The following INA variants were observed in gnomAD, a reference collection of about 807,000 sequenced individuals.
The protein encoded by INA is alpha-internexin.
INA carries 35 observed loss-of-function variants against 40.1 expected under a neutral mutation model. That is an observed-to-expected ratio of 0.87 (90% CI 0.67 to 1.16). The LOEUF is 1.16. Ranked by LOEUF, INA falls within the 50% of genes most tolerant of loss-of-function variation. The pLI, the probability that INA is intolerant of heterozygous loss-of-function variation, is 0.00. For synonymous variants in INA, 290 were observed against 316.9 expected (o/e 0.92, Z 0.90); for missense variants, 594 against 686.7 (o/e 0.87, Z 1.51).
rs1367652147 is a variant in INA, at chr10:103,284,531, G to A, written c.1066-2504G>A. Among the ~76,000 whole-genome samples the A allele has an allele frequency of 5.9e-5, 9 of 152,158 alleles. No individual in the cohort carries two copies. In the South Asian group the frequency reaches 1.9e-3, roughly 32 times the overall value. ...AGCACTTTGGGAGGCTGAGGCGGGC[G>A]GATCACGAGGTTAGGAGTTCAAGAC... is the stretch of plus-strand genomic sequence containing the variant. On this transcript the variant is annotated intron_variant, in intron 1 of 2. Coordinates refer to ENST00000369849, the MANE Select transcript of INA (RefSeq NM_032727.4).
rs1001620804 is a variant in INA at position 103,277,923 on chromosome 10, C to T, written c.712C>T (p.Leu238=). The change falls in exon 1 of 3, where the codon CTG becomes TTG. Residue 238 remains leucine, a synonymous_variant. Transcript: ENST00000369849. This position sits in a 1 kb window ranked among gnomAD's most constrained non-coding sequence, Gnocchi z 5.6. ...GGTGCACGACGAGGAGGTAGCCGAGCTGCTGGCCACGCTGCAGGCGTCGTC... is the reference window on the plus strand; with the variant it reads ...GGTGCACGACGAGGAGGTAGCCGAGTTGCTGGCCACGCTGCAGGCGTCGTC... ...RQVHDEEVAE[L]LATLQASSQA... is the part of the protein sequence containing the mutation. The T allele has an allele frequency of 2.6e-6, 4 of 1,552,288 alleles. No homozygotes were observed. Among genetic ancestry groups the T allele is most frequent in the South Asian group, 1.2e-5 (1 of 84,164 alleles).
rs1374312090 is a variant in INA, at chr10:103,279,900, T to G, written c.1065+1624T>G. On this transcript the variant is annotated intron_variant, in intron 1 of 2. Coordinates refer to ENST00000369849, the MANE Select transcript of INA (RefSeq NM_032727.4). ...ACCCTAACCCCTGGATGGCCTGAAT[T>G]AATCACATTTGGCTAATTGAGACTT... The G allele has an allele frequency of 4.7e-6, 6 of 1,278,266 alleles. No homozygotes were observed. In the African/African-American group the frequency reaches 9.2e-5, roughly 20 times the overall value. 79.2% of individuals were successfully genotyped at this position (1,278,266 alleles called of 1,614,324 possible). A position where few individuals can be genotyped will look rare whatever the true frequency, so the allele number is the denominator to read the frequency against.
In INA at chr10:103,277,552, A is replaced by G. The variant is rs768502049; in HGVS notation, c.341A>G (p.Gln114Arg). The G allele has an allele frequency of 3.8e-6, 6 of 1,581,964 alleles. No individual in the cohort carries two copies. Among genetic ancestry groups the G allele is most frequent in the Non-Finnish European group, 3.4e-6 (4 of 1,168,814 alleles). ...GCCGTGTTCATCGAGAAGGTGCATC[A>G]GCTGGAGACGCAGAACCGCGCGTTG... Reference protein sequence around the residue: ...RFAVFIEKVHQLETQNRALEA... With the variant: ...RFAVFIEKVHRLETQNRALEA... The change falls in exon 1 of 3, where the codon CAG becomes CGG. Residue 114 changes from glutamine to arginine, a missense_variant. Physicochemically the swap from Gln to Arg is conservative, Grantham distance 43. Around this residue, in one of 2 missense-constraint regions of INA, gnomAD observed 215 missense variants for 190.6 expected, o/e 1.13. Transcript: ENST00000369849. The surrounding 1 kb of genome is among the most constrained non-coding windows in gnomAD (Gnocchi z 5.6).
intron 1 of INA, among the ~76,000 whole-genome samples, chr10:103,282,099 A>C (rs950080895): frequency 6.6e-5 from 10 of 152,250 alleles, no homozygotes; most frequent in Non-Finnish European, 1.3e-4. Flanking sequence ...ATTGAAGAGC[A>C]ATCAATGGTC....
chr10:103,278,224 G>A lies in INA; in HGVS notation c.1013G>A (p.Arg338Lys), dbSNP rs748521249. 4 of 1,594,168 alleles carry A rather than the reference G, an allele frequency of 2.5e-6. No homozygotes were observed. In the South Asian group the frequency reaches 3.4e-5, roughly 13 times the overall value. The change falls in exon 1 of 3, where the codon AGG (arginine) becomes AAG (lysine). Residue 338 changes from arginine (R) to lysine (K), a missense_variant. Physicochemically the swap from Arg to Lys is conservative, Grantham distance 26. Transcript: ENST00000369849. This position sits in a 1 kb window ranked among gnomAD's most constrained non-coding sequence, Gnocchi z 4.9. ...GLRGANESLE[R>K]QILELEERHS... ...CGCGGGGCCAACGAGTCCTTGGAGA[G>A]GCAGATCCTGGAGCTGGAGGAGCGG...
rs1029306229 is a variant in INA at position 103,289,423 on chromosome 10, C to T, written c.*754C>T. ...GATGAATTTTAAGGGTTTCCCCCAACATATAAAATAATGCAAAGAATCCCT... is the reference window on the plus strand; with the variant it reads ...GATGAATTTTAAGGGTTTCCCCCAATATATAAAATAATGCAAAGAATCCCT... On this transcript the variant is annotated 3_prime_UTR_variant, in exon 3 of 3. Transcript: ENST00000369849. 7.2e-5 allele frequency: 11 copies of T among 152,646 alleles called. No individual in the cohort carries two copies. Among genetic ancestry groups the T allele is most frequent in the African/African-American group, 2.7e-4 (11 of 41,462 alleles). The allele number at this position is 152,646 out of a possible 1,614,324, so 9.5% of individuals were successfully genotyped here.
Position 103,278,903 on chromosome 10 carries a change from GCACACACACACACA to G in INA, c.1065+645_1065+658del, listed in dbSNP as rs369168949. ...ACACACACGATTCCCTTGTCCACCAGCACACACACACACACACACACACACACACACGATTCCCT... is the reference window on the plus strand; with the variant it reads ...ACACACACGATTCCCTTGTCCACCAGCACACACACACACACACGATTCCCT... On this transcript the variant is annotated intron_variant, in intron 1 of 2. Transcript: ENST00000369849. The surrounding 1 kb of genome is among the most constrained non-coding windows in gnomAD (Gnocchi z 4.9). Among the ~76,000 whole-genome samples, 1 of 136,792 alleles carries G rather than the reference GCACACACACACACA, an allele frequency of 7.3e-6. No individual in the cohort carries two copies. The highest frequency in any genetic ancestry group is 1.6e-5 in the Non-Finnish European group (1 of 63,976). 89.7% of individuals were successfully genotyped at this position (136,792 alleles called of 152,430 possible). A position where few individuals can be genotyped will look rare whatever the true frequency, so the allele number is the denominator to read the frequency against.
rs780556680 is a variant in INA, at chr10:103,289,623, C to T, written c.*954C>T. The T allele has an allele frequency of 2.6e-5, 4 of 152,506 alleles. No homozygotes were observed. The highest frequency in any genetic ancestry group is 6.5e-5 in the Admixed American group (1 of 15,274). 9.4% of individuals were successfully genotyped at this position (152,506 alleles called of 1,614,324 possible). A position where few individuals can be genotyped will look rare whatever the true frequency, so the allele number is the denominator to read the frequency against. On this transcript the variant is annotated 3_prime_UTR_variant, in exon 3 of 3. Coordinates refer to ENST00000369849, the MANE Select transcript of INA (RefSeq NM_032727.4). ...TGAGTGTTTCTATGAGTGGAAAAAG[C>T]CAAGGTGTCATTTATGTGTCAGTTC... is the stretch of plus-strand genomic sequence containing the variant.
intron 2 of INA, among the ~76,000 whole-genome samples, 198 bp from the exon 3 acceptor site, chr10:103,288,162 G>C (rs968870793): frequency 6.6e-6 from 1 of 151,948 alleles, no homozygotes; most frequent in Non-Finnish European, 1.5e-5. Context: ...GGTGCTGAAG[G>C]GGGGTGTGTG....
At position 103,283,372 on chromosome 10, in the gene INA, A is replaced by T. The variant is rs11191631; in HGVS notation, c.1066-3663A>T. Among the ~76,000 whole-genome samples, 630 of 152,334 alleles carry T rather than the reference A, an allele frequency of 4.1e-3. 27 individuals are homozygous for T. The East Asian group carries it at 0.089, about 22-fold the overall frequency. ...CTATGTCAGTAGCAGAATTGATTAT[A>T]ACCTCAAATAGGAACTATCAGGTAA... is the stretch of plus-strand genomic sequence containing the variant. On this transcript the variant is annotated intron_variant, in intron 1 of 2. Coordinates refer to ENST00000369849, the MANE Select transcript of INA (RefSeq NM_032727.4).
intron 2 of INA, 52 bp downstream of exon 2, chr10:103,287,211 G>A: frequency 6.3e-7 from 1 of 1,576,490 alleles, no homozygotes; most frequent in Non-Finnish European, 8.6e-7. Context: ...TAGGGGCAAT[G>A]CTGCCCAAAT....
At chr10:103,284,913 A>G (rs2093081880) in intron 1 of INA, among the ~76,000 whole-genome samples, 1 of 152,142 alleles carries the variant, frequency 6.6e-6, no homozygotes, top group South Asian at 2.1e-4. Flanking sequence ...GGGTTGGTCG[A>G]GGATGGATAC....
At chr10:103,284,167 G>A (rs2093079589) in intron 1 of INA, among the ~76,000 whole-genome samples, 1 of 151,490 alleles carries the variant, frequency 6.6e-6, no homozygotes, top group Non-Finnish European at 1.5e-5. Flanking sequence ...GAGCACAGTG[G>A]CGCCATCATA....
At chr10:103,279,336 AG>A (rs1319165718) in intron 1 of INA, among the ~76,000 whole-genome samples, 1 of 151,994 alleles carries the variant, frequency 6.6e-6, no homozygotes, top group Non-Finnish European at 1.5e-5. Context: ...TCTTTGTTCT[AG>A]TGTATGTATT....
Position 103,288,933 on chromosome 10 carries a change from T to C in INA, c.*264T>C. 3.8e-6 allele frequency: 1 copy of C among 260,010 alleles called. No individual in the cohort carries two copies. Among genetic ancestry groups the C allele is most frequent in the African/African-American group, 2.2e-5 (1 of 44,776 alleles). 16.1% of individuals were successfully genotyped at this position (260,010 alleles called of 1,614,324 possible). On this transcript the variant is annotated 3_prime_UTR_variant, in exon 3 of 3. Coordinates refer to ENST00000369849, the MANE Select transcript of INA (RefSeq NM_032727.4). ...TCAGCTCACGCTTCACAGTGATCGA[T>C]GATTCAGGTGCAGAGGAAGTACAAA...
At chr10:103,279,531 C>T (rs2093068333) in intron 1 of INA, among the ~76,000 whole-genome samples, 1 of 152,038 alleles carries the variant, frequency 6.6e-6, no homozygotes, top group East Asian at 1.9e-4. Flanking sequence ...TAGTGTGGTT[C>T]GGTTTCAAGG....
Position 103,280,089 on chromosome 10 carries a change from C to T in INA, c.1065+1813C>T. On this transcript the variant is annotated intron_variant, in intron 1 of 2. Transcript: ENST00000369849. ...GCCCATACATTCTAAGAAGTAGTGA[C>T]AGTTTTGCCTGGCTTGTTTGCTGTA... 4.1e-6 allele frequency: 5 copies of T among 1,218,190 alleles called. No homozygotes were observed. The South Asian group carries it at 7.2e-5, about 18-fold the overall frequency. The allele number at this position is 1,218,190 out of a possible 1,614,324, so 75.5% of individuals were successfully genotyped here. A position where few individuals can be genotyped will look rare whatever the true frequency, so the allele number is the denominator to read the frequency against.
intron 1 of INA, chr10:103,280,133 A>T: frequency 1.0e-6 from 1 of 985,444 alleles, no homozygotes; most frequent in Non-Finnish European, 1.2e-6. Flanking sequence ...TCATCATTAG[A>T]CAATGGTAGC....
Position 103,280,425 on chromosome 10 carries a change from G to A in INA, c.1065+2149G>A, listed in dbSNP as rs953404507. 5.1e-6 allele frequency: 5 copies of A among 985,320 alleles called. No individual in the cohort carries two copies. In the African/African-American group the frequency reaches 8.7e-5, roughly 17 times the overall value. 61.0% of individuals were successfully genotyped at this position (985,320 alleles called of 1,614,324 possible). A position where few individuals can be genotyped will look rare whatever the true frequency, so the allele number is the denominator to read the frequency against. ...CAATCTTAGCAGTGCTGACCAAGGT[G>A]AAAAGCCTCCCTTTCTACAGTGAGA... On this transcript the variant is annotated intron_variant, in intron 1 of 2. Coordinates refer to ENST00000369849, the MANE Select transcript of INA (RefSeq NM_032727.4).
Sources: allele counts gnomAD v4.1 joint callset (sites outside exome capture counted in the v4.1 genomes callset), GRCh38; gene constraint gnomAD v4.1.1; regional missense constraint gnomAD v4.1.1; non-coding constraint Gnocchi (gnomAD v3.1); transcripts MANE v1.5; gene names NCBI Gene and HGNC (gene_info 2026-07-23, HGNC 2026-07-21).